Variants in SAMD12 observed in about 807,000 individuals in gnomAD.
The protein encoded by SAMD12 is sterile alpha motif domain containing 12, also known as sterile alpha motif domain-containing protein 12.
SAMD12 carries 9 observed loss-of-function variants against 15.0 expected under a neutral mutation model. The ratio of observed to expected loss-of-function variants is 0.60; its 90% CI spans 0.36 to 1.05. The LOEUF is 1.05. SAMD12 is among the 50% of genes least tolerant of loss of function. SAMD12 has a pLI of 0.01. For synonymous variants in SAMD12, 86 were observed against 90.1 expected, an observed-to-expected ratio of 0.96 and a Z score of 0.25; for missense variants, 230 against 234.2, an observed-to-expected ratio of 0.98 and a Z score of 0.12.
chr8:118,307,270 T>C (rs896498595), intron 4 of SAMD12, among the ~76,000 whole-genome samples: 6 of 152,228 alleles, frequency 3.9e-5, no homozygotes, highest in South Asian at 2.1e-4. Context: ...TCTGGAATGG[T>C]GGCTCCCAAA....
chr8:118,258,175 G>A lies in SAMD12; in HGVS notation c.434-60443C>T, dbSNP rs1022030950. On this transcript the variant is annotated intron_variant, in intron 4 of 4. Transcript: ENST00000409003. ...TGTGCTAAGAGCCGGAATGTACTGG[G>A]CCATTCCCAATCTGTGAATTTAAAA... Among the ~76,000 whole-genome samples, 5 of 152,124 alleles carry A rather than the reference G, an allele frequency of 3.3e-5. No homozygotes were observed. In the East Asian group the frequency reaches 7.7e-4, roughly 24 times the overall value.
chr8:118,211,406 C>T (rs1811821544), intron 4 of SAMD12, among the ~76,000 whole-genome samples: 1 of 152,180 alleles, frequency 6.6e-6, no homozygotes, highest in Non-Finnish European at 1.5e-5. Context: ...CACAGTGGCC[C>T]TCCAATGGAG....
chr8:118,378,577 C>T lies in SAMD12; in HGVS notation c.*840G>A. On this transcript the variant is annotated 3_prime_UTR_variant, in exon 4 of 4. Transcript: ENST00000314727. ...GACTATTACTAGGTTAATCTAAATG[C>T]AATAACATGAAACTTGGCTGACCCA... 1.0e-6 allele frequency: 1 copy of T among 985,242 alleles called. No homozygotes were observed. Among genetic ancestry groups the T allele is most frequent in the Non-Finnish European group, 1.2e-6 (1 of 829,794 alleles). The allele number at this position is 985,242 out of a possible 1,614,324, so 61.0% of individuals were successfully genotyped here.
At chr8:118,570,368 A>G (rs925963720) in intron 2 of SAMD12, among the ~76,000 whole-genome samples, 1 of 152,112 alleles carries the variant, frequency 6.6e-6, no homozygotes. Context: ...CCCATCCTCC[A>G]TACTCTCACA....
At chr8:118,260,901 G>A (rs2630646) in intron 4 of SAMD12, among the ~76,000 whole-genome samples, 1 of 152,072 alleles carries the variant, frequency 6.6e-6, no homozygotes, top group Non-Finnish European at 1.5e-5. Context: ...TCTAAATCCA[G>A]TCTATACATT....
rs184687715 is a variant in SAMD12 at position 118,614,672 on chromosome 8, G to A, written c.13+7132C>T. On this transcript the variant is annotated intron_variant, in intron 1 of 3. Coordinates refer to ENST00000314727, the MANE Select transcript of SAMD12 (RefSeq NM_207506.3). ...TGCGGCAGCAAGGGAGGGTAGCAGGGAGGAGCAAAGGAACAAAACTTGCCA... is the reference window on the plus strand; with the variant it reads ...TGCGGCAGCAAGGGAGGGTAGCAGGAAGGAGCAAAGGAACAAAACTTGCCA... Among the ~76,000 whole-genome samples, 3 of 152,354 alleles carry A rather than the reference G, an allele frequency of 2.0e-5. No individual in the cohort carries two copies. The East Asian group carries it at 5.8e-4, about 29-fold the overall frequency.
At chr8:118,321,588 T>C (rs984366210) in intron 4 of SAMD12, among the ~76,000 whole-genome samples, 1 of 151,724 alleles carries the variant, frequency 6.6e-6, no homozygotes, top group East Asian at 1.9e-4. Flanking sequence ...CACTCTAGCA[T>C]GGGCAACAGA....
At chr8:118,546,392 C>T (rs1327594195) in intron 2 of SAMD12, among the ~76,000 whole-genome samples, 1 of 152,056 alleles carries the variant, frequency 6.6e-6, no homozygotes, top group Non-Finnish European at 1.5e-5. Flanking sequence ...CCTGGCAGCC[C>T]ACCCGAGCTT....
chr8:118,400,456 A>T (rs1418773418), intron 3 of SAMD12: 1 of 151,990 alleles, frequency 6.6e-6, no homozygotes, highest in Admixed American at 6.5e-5. Context: ...TGGACAAGAG[A>T]GTAACAAAAA....
At chr8:118,186,850 C>G (rs1819251203), downstream of SAMD12, among the ~76,000 whole-genome samples, 1 of 152,046 alleles carries the variant, frequency 6.6e-6, no homozygotes, top group Admixed American at 6.6e-5. Context: ...CGGAAGGAAG[C>G]AGCTGCCTTT....
the SAMD12 span, among the ~76,000 whole-genome samples, chr8:118,153,498 T>C: frequency 6.6e-6 from 1 of 152,216 alleles, no homozygotes; most frequent in Admixed American, 6.5e-5. Context: ...GCCAAACGTA[T>C]AATCTATTTC....
At chr8:118,362,888 T>A (rs375485143) in intron 4 of SAMD12, among the ~76,000 whole-genome samples, 1 of 152,196 alleles carries the variant, frequency 6.6e-6, no homozygotes, top group African/African-American at 2.4e-5. Context: ...TTCATTATGA[T>A]GCCAAGTTGA....
At chr8:118,532,315 G>A (rs567383935) in intron 2 of SAMD12, among the ~76,000 whole-genome samples, 3 of 152,134 alleles carry the variant, frequency 2.0e-5, no homozygotes, top group African/African-American at 7.2e-5. Flanking sequence ...TAAGCTTTTC[G>A]ATATGCTCCT....
At chr8:118,239,942 AAG>A (rs909046194) in intron 4 of SAMD12, 3 of 152,082 alleles carry the variant, frequency 2.0e-5, no homozygotes, top group Admixed American at 6.6e-5. Flanking sequence ...ATTCTTTTGG[AAG>A]AGTCAGGGAT....
At chr8:118,577,858 CG>C (rs1311193068) in intron 2 of SAMD12, among the ~76,000 whole-genome samples, 1 of 152,050 alleles carries the variant, frequency 6.6e-6, no homozygotes, top group Admixed American at 6.6e-5. Flanking sequence ...ACCCTAAAAG[CG>C]TAATACTAAC....
chr8:118,210,485 C>A (rs1304337561), intron 4 of SAMD12, among the ~76,000 whole-genome samples: 1 of 152,166 alleles, frequency 6.6e-6, no homozygotes. Context: ...AGACAAATCC[C>A]AGATACATTT....
intron 2 of SAMD12, among the ~76,000 whole-genome samples, chr8:118,579,595 C>A (rs1653372095): frequency 6.6e-6 from 1 of 151,984 alleles, no homozygotes; most frequent in Non-Finnish European, 1.5e-5. Context: ...GTACATAAAG[C>A]AAAAAATTCA....
intron 3 of SAMD12, among the ~76,000 whole-genome samples, chr8:118,381,515 G>T (rs1819667642): frequency 6.6e-6 from 1 of 152,184 alleles, no homozygotes. Context: ...TGAGATGGGA[G>T]AGTATCTTTC....
intron 2 of SAMD12, among the ~76,000 whole-genome samples, chr8:118,465,434 G>C (rs890161460): frequency 6.6e-6 from 1 of 152,104 alleles, no homozygotes; most frequent in Non-Finnish European, 1.5e-5. Context: ...CTGTCTGCTT[G>C]CCAGTTATTG....
Sources: allele counts gnomAD v4.1 joint callset (sites outside exome capture counted in the v4.1 genomes callset), GRCh38; gene constraint gnomAD v4.1.1; transcripts MANE v1.5; gene names NCBI Gene and HGNC (gene_info 2026-07-23, HGNC 2026-07-21).